Variants in MMS22L observed in about 807,000 individuals in gnomAD.
The protein encoded by MMS22L is protein MMS22-like.
In MMS22L, 74 loss-of-function variants were observed where a neutral mutation model predicts 159.1. That is an observed-to-expected ratio of 0.47 (90% CI 0.39 to 0.56). The LOEUF is 0.56. Ranked by LOEUF, MMS22L falls within the 20% of genes least tolerant of loss-of-function variation. MMS22L has a pLI of 0.00. For synonymous variants in MMS22L, 517 were observed against 506.9 expected, an observed-to-expected ratio of 1.02 and a Z score of -0.27; for missense variants, 1,351 against 1,422.1, an observed-to-expected ratio of 0.95 and a Z score of 0.80.
chr6:97,164,663 C>CTATA (rs1187403250), intron 21 of MMS22L, among the ~76,000 whole-genome samples: 1 of 151,998 alleles, frequency 6.6e-6, no homozygotes, highest in East Asian at 1.9e-4. Context: ...GTCACCCAGG[C>CTATA]TATAGTACAG....
At chr6:97,159,442 C>G (rs903660065) in intron 22 of MMS22L, among the ~76,000 whole-genome samples, 1 of 151,954 alleles carries the variant, frequency 6.6e-6, no homozygotes, top group African/African-American at 2.4e-5. Context: ...CTATTTATTT[C>G]TCTCCCTTTT....
At chr6:97,201,680 A>G (rs972890217) in intron 14 of MMS22L, among the ~76,000 whole-genome samples, 3 of 152,228 alleles carry the variant, frequency 2.0e-5, no homozygotes, top group African/African-American at 4.8e-5. Flanking sequence ...ATCTAGGTGA[A>G]ACTTCTCACA....
At chr6:97,281,921 T>C (rs970886658) in intron 2 of MMS22L, among the ~76,000 whole-genome samples, 19 of 152,216 alleles carry the variant, frequency 1.2e-4, no homozygotes, top group African/African-American at 4.6e-4. Context: ...CAGGTAGGAT[T>C]AGAAGGAACA....
At chr6:97,258,282 C>T (rs1225606589) in intron 9 of MMS22L, among the ~76,000 whole-genome samples, 2 of 152,172 alleles carry the variant, frequency 1.3e-5, no homozygotes, top group Non-Finnish European at 2.9e-5. Flanking sequence ...CTGACATGTA[C>T]TCATCATTTT....
At chr6:97,247,478 C>T (rs1812783391) in intron 10 of MMS22L, among the ~76,000 whole-genome samples, 1 of 152,138 alleles carries the variant, frequency 6.6e-6, no homozygotes, top group African/African-American at 2.4e-5. Context: ...CCTATAATCC[C>T]AGCACTTTGG....
intron 18 of MMS22L, 71 bp from the exon 19 acceptor site, chr6:97,173,293 T>G: frequency 2.1e-6 from 3 of 1,428,562 alleles, no homozygotes; most frequent in Non-Finnish European, 2.9e-6. Context: ...ATAAAGATAA[T>G]TTTTCTCTCT....
At chr6:97,249,133 A>C (rs1812971459) in intron 10 of MMS22L, among the ~76,000 whole-genome samples, 1 of 152,080 alleles carries the variant, frequency 6.6e-6, no homozygotes, top group Admixed American at 6.5e-5. Context: ...TCAGTAGTCC[A>C]CCCCTACATA....
intron 14 of MMS22L, among the ~76,000 whole-genome samples, chr6:97,216,628 T>C (rs1027183573): frequency 1.3e-5 from 2 of 152,228 alleles, no homozygotes; most frequent in Non-Finnish European, 1.5e-5. Context: ...ATACTTACTA[T>C]GACAGCCTGT....
chr6:97,183,168 C>T lies in MMS22L; in HGVS notation c.2234-1114G>A, dbSNP rs187241426. On this transcript the variant is annotated intron_variant, in intron 15 of 24. Transcript: ENST00000683635. ...TAGCTTTCCAACTTTCCTCTTCTCC[C>T]CCAACTCCAACAATTCTTTGATTCC... Among the ~76,000 whole-genome samples the T allele has an allele frequency of 6.1e-4, 93 of 152,242 alleles. 1 individual carries two copies. The highest frequency in any genetic ancestry group is 2.2e-3 in the African/African-American group (92 of 41,544).
chr6:97,256,354 T>C (rs1225430679), intron 9 of MMS22L, among the ~76,000 whole-genome samples: 1 of 152,104 alleles, frequency 6.6e-6, no homozygotes, highest in East Asian at 1.9e-4. Flanking sequence ...GCTTTAGCCG[T>C]TTTTTAATTC....
chr6:97,202,513 T>C (rs1266976753), intron 14 of MMS22L, among the ~76,000 whole-genome samples: 1 of 152,198 alleles, frequency 6.6e-6, no homozygotes, highest in Non-Finnish European at 1.5e-5. Context: ...GCTATTACCT[T>C]AGCGTTGACT....
At chr6:97,258,505 G>A (rs1814076101) in intron 9 of MMS22L, among the ~76,000 whole-genome samples, 1 of 151,988 alleles carries the variant, frequency 6.6e-6, no homozygotes, top group South Asian at 2.1e-4. Context: ...ATGGAGGTAT[G>A]CACACACACA....
intron 19 of MMS22L, among the ~76,000 whole-genome samples, 174 bp downstream of exon 19, chr6:97,172,887 GAC>G (rs1285174172): frequency 6.6e-6 from 1 of 152,108 alleles, no homozygotes; most frequent in African/African-American, 2.4e-5. Flanking sequence ...GATAGAGCAA[GAC>G]AGAGATACAT....
At chr6:97,168,912 T>C (rs1023681132) in intron 19 of MMS22L, among the ~76,000 whole-genome samples, 2 of 152,096 alleles carry the variant, frequency 1.3e-5, no homozygotes, top group African/African-American at 4.8e-5. Flanking sequence ...TGCATACTAA[T>C]TTTCCCTGGG....
intron 12 of MMS22L, among the ~76,000 whole-genome samples, chr6:97,233,206 A>G (rs1811053337): frequency 1.3e-5 from 2 of 152,132 alleles, no homozygotes; most frequent in African/African-American, 2.4e-5. Flanking sequence ...CTAGTCTCCT[A>G]TCTTCGGTCT....
intron 15 of MMS22L, among the ~76,000 whole-genome samples, chr6:97,183,449 C>T (rs1562430314): frequency 6.6e-6 from 1 of 152,146 alleles, no homozygotes; most frequent in Non-Finnish European, 1.5e-5. Flanking sequence ...TGACTGATAC[C>T]ACTTTACATT....
At chr6:97,179,678 G>T in intron 16 of MMS22L, 119 bp from the exon 17 acceptor site, 1 of 815,468 alleles carries the variant, frequency 1.2e-6, no homozygotes, top group Non-Finnish European at 1.8e-6. Flanking sequence ...TGATTTTTCA[G>T]ACAAACACAC....
chr6:97,255,307 C>T (rs1813681790), intron 9 of MMS22L, among the ~76,000 whole-genome samples: 1 of 152,160 alleles, frequency 6.6e-6, no homozygotes, highest in African/African-American at 2.4e-5. Context: ...ATAAAGTTGT[C>T]GACAGTATCT....
chr6:97,248,649 C>A (rs1456124754), intron 10 of MMS22L, among the ~76,000 whole-genome samples: 1 of 152,098 alleles, frequency 6.6e-6, no homozygotes, highest in Non-Finnish European at 1.5e-5. Flanking sequence ...CACTTGAGGT[C>A]AGGAGTTCAA....
Sources: gnomAD v4.1 joint callset for allele counts (sites outside exome capture counted in the v4.1 genomes callset) on GRCh38, gnomAD v4.1.1 for gene constraint, MANE v1.5 for transcripts, NCBI Gene and HGNC (gene_info 2026-07-23, HGNC 2026-07-21) for gene names.